MYL12A: variants seen among roughly 807,000 people sequenced by gnomAD.
The protein encoded by MYL12A is myosin light chain 12A, also known as myosin regulatory light chain 12A.
MYL12A carries 11 observed loss-of-function variants against 13.3 expected under a neutral mutation model. The observed-to-expected ratio is 0.83, with a 90% CI of 0.52 to 1.37. The LOEUF (loss-of-function observed/expected upper bound fraction) is 1.37, where lower values mean the gene tolerates loss of function less well. MYL12A is among the 40% of genes most tolerant of loss of function. MYL12A has a pLI of 0.00. For synonymous variants in MYL12A, 51 were observed against 69.9 expected (o/e 0.73, Z 1.35); for missense variants, 146 against 212.3 (o/e 0.69, Z 1.94).
chr18:3,248,368 C>CT (rs2081451396), intron 1 of MYL12A: 1 of 152,162 alleles, frequency 6.6e-6, no homozygotes, highest in East Asian at 1.9e-4. Context: ...GTAATTAGAA[C>CT]TTTTTTTCTT....
chr18:3,250,898 C>G (rs1417728734), intron 1 of MYL12A, among the ~76,000 whole-genome samples: 1 of 152,172 alleles, frequency 6.6e-6, no homozygotes, highest in Admixed American at 6.5e-5. Flanking sequence ...GGAATGAAAA[C>G]TATGACTCAT....
Position 3,253,334 on chromosome 18 carries a change from G to C in MYL12A, c.87G>C (p.Gln29His). Residue 29 changes from glutamine to histidine, a missense_variant, in exon 2 of 4, where the codon CAG becomes CAC. By Grantham distance (24) the Gln-to-His change is conservative. Transcript: ENST00000217652. ...SNVFAMFDQSQIQEFKEAFNM... is the reference protein window; with the variant it reads ...SNVFAMFDQSHIQEFKEAFNM... ...TGTTTGCTATGTTTGACCAGTCACA[G>C]ATTCAGGAGTTCAAAGAGGCCTTCA... 1.2e-6 allele frequency: 2 copies of C among 1,614,034 alleles called. No homozygotes were observed. The highest frequency in any genetic ancestry group is 1.7e-6 in the Non-Finnish European group (2 of 1,179,900).
intron 1 of MYL12A, chr18:3,249,846 G>A (rs2081466871): frequency 1.3e-5 from 2 of 152,134 alleles, no homozygotes; most frequent in Non-Finnish European, 2.9e-5. Context: ...GGTGGAGGTT[G>A]AGATCGCGCC....
Position 3,252,671 on chromosome 18 carries a change from G to GT in MYL12A, c.-15-555dup, listed in dbSNP as rs575098312. On this transcript the variant is annotated intron_variant, in intron 1 of 3. Coordinates refer to ENST00000217652, the MANE Select transcript of MYL12A (RefSeq NM_006471.4). ...AAAAACTATAGATGAATTCCCTTCA[G>GT]TTTTTTTATACTTTACTATTAGCCT... 3.5e-4 allele frequency among the ~76,000 whole-genome samples: 54 copies of GT among 152,156 alleles called. 1 individual carries two copies. The South Asian group carries it at 0.011, about 32-fold the overall frequency.
At chr18:3,253,580 A>G in intron 2 of MYL12A, 152 bp downstream of exon 2, 1 of 968,068 alleles carries the variant, frequency 1.0e-6, no homozygotes, top group Non-Finnish European at 1.5e-6. Flanking sequence ...CCGGATCACC[A>G]GCAGATTCGT....
Position 3,255,984 on chromosome 18 carries a change from C to A in MYL12A, c.*66C>A. ...TTGGGTATTCTGAGATTTTCTCTTG[C>A]ATGCCCTTAGCTTTACAGCTTTTGC... On this transcript the variant is annotated 3_prime_UTR_variant, in exon 4 of 4. Transcript: ENST00000217652. The A allele has an allele frequency of 1.3e-6, 2 of 1,567,812 alleles. No individual in the cohort carries two copies. The highest frequency in any genetic ancestry group is 1.7e-6 in the Non-Finnish European group (2 of 1,151,322).
intron 1 of MYL12A, among the ~76,000 whole-genome samples, chr18:3,250,862 C>T (rs1162929661): frequency 6.6e-6 from 1 of 152,048 alleles, no homozygotes; most frequent in Non-Finnish European, 1.5e-5. Flanking sequence ...TATTGTCACA[C>T]GTTTTAAGTT....
rs367687218 is a variant in MYL12A at position 3,255,860 on chromosome 18, T to G, written c.458T>G (p.Phe153Cys). Reference sequence around the variant, plus strand: ...GCACCTATTGATAAAAAGGGGAATTTCAATTACATCGAGTTCACACGCATC... The same window carrying G: ...GCACCTATTGATAAAAAGGGGAATTGCAATTACATCGAGTTCACACGCATC... ...REAPIDKKGNFNYIEFTRILK... is the reference protein window; with the variant it reads ...REAPIDKKGNCNYIEFTRILK... The change falls in exon 4 of 4, where the codon TTC becomes TGC. Residue 153 changes from phenylalanine to cysteine, a missense_variant. Physicochemically the swap from Phe to Cys is radical, Grantham distance 205. Coordinates refer to ENST00000217652, the MANE Select transcript of MYL12A (RefSeq NM_006471.4). The G allele has an allele frequency of 5.8e-5, 94 of 1,614,032 alleles. 1 individual carries two copies. The East Asian group carries it at 1.2e-3, about 21-fold the overall frequency.
intron 3 of MYL12A, 110 bp downstream of exon 3, chr18:3,254,160 A>AT (rs1178530463): frequency 5.7e-6 from 7 of 1,230,652 alleles, no homozygotes; most frequent in Admixed American, 2.7e-5. Flanking sequence ...TACTACACCT[A>AT]TTTTTTTAGA....
At position 3,255,938 on chromosome 18, in the gene MYL12A, C is replaced by A; in HGVS notation, c.*20C>A. The stretch of plus-strand genomic sequence containing the variant: ...GACTGAAATAACTTCAAATTCCAGC[C>A]AAACGTTCCTTGTTGCCACTTTGGG... On this transcript the variant is annotated 3_prime_UTR_variant, in exon 4 of 4. Transcript: ENST00000217652. 6.2e-7 allele frequency: 1 copy of A among 1,611,398 alleles called. No homozygotes were observed. Among genetic ancestry groups the A allele is most frequent in the Non-Finnish European group, 8.5e-7 (1 of 1,178,672 alleles).
At chr18:3,250,312 T>G (rs532132952) in intron 1 of MYL12A, among the ~76,000 whole-genome samples, 6 of 152,350 alleles carry the variant, frequency 3.9e-5, no homozygotes, top group African/African-American at 1.4e-4. Context: ...GCTTATTACA[T>G]GAAGAGTGAC....
In MYL12A at chr18:3,253,920, C is replaced by T. The variant is rs757626084; in HGVS notation, c.213C>T (p.Ala71=). The change falls in exon 3 of 4, where the codon GCC becomes GCT. Residue 71 remains alanine, a synonymous_variant. Coordinates refer to ENST00000217652, the MANE Select transcript of MYL12A (RefSeq NM_006471.4). ...GKNPTDEYLD[A]MMNEAPGPIN... ...ATCCAACTGATGAGTATCTAGATGCCATGATGAATGAGGCTCCAGGCCCCA... is the reference window on the plus strand; with the variant it reads ...ATCCAACTGATGAGTATCTAGATGCTATGATGAATGAGGCTCCAGGCCCCA... 6 of 1,610,692 alleles carry T rather than the reference C, an allele frequency of 3.7e-6. No individual in the cohort carries two copies. In the South Asian group the frequency reaches 6.7e-5, roughly 18 times the overall value.
In MYL12A at chr18:3,255,929, A is replaced by T; in HGVS notation, c.*11A>T. 2 of 1,612,806 alleles carry T rather than the reference A, an allele frequency of 1.2e-6. No homozygotes were observed. Among genetic ancestry groups the T allele is most frequent in the Non-Finnish European group, 1.7e-6 (2 of 1,179,384 alleles). On this transcript the variant is annotated 3_prime_UTR_variant, in exon 4 of 4. Coordinates refer to ENST00000217652, the MANE Select transcript of MYL12A (RefSeq NM_006471.4). ...GACAAAGATGACTGAAATAACTTCA[A>T]ATTCCAGCCAAACGTTCCTTGTTGC...
Position 3,247,844 on chromosome 18 carries a change from G to C in MYL12A, c.-81G>C, listed in dbSNP as rs1019315497. 6.6e-6 allele frequency: 1 copy of C among 152,242 alleles called. No individual in the cohort carries two copies. The highest frequency in any genetic ancestry group is 1.5e-5 in the Non-Finnish European group (1 of 68,074). 9.4% of individuals were successfully genotyped at this position (152,242 alleles called of 1,614,324 possible). On this transcript the variant is annotated 5_prime_UTR_variant, in exon 1 of 4. Coordinates refer to ENST00000217652, the MANE Select transcript of MYL12A (RefSeq NM_006471.4). ...GTGGTTTTTAGCGGCTCTCTGGGTAGCAGGGTGGTGTGATAGCGGCAGCGA... is the reference window on the plus strand; with the variant it reads ...GTGGTTTTTAGCGGCTCTCTGGGTACCAGGGTGGTGTGATAGCGGCAGCGA...
At chr18:3,251,300 C>T (rs911651539) in intron 1 of MYL12A, among the ~76,000 whole-genome samples, 10 of 151,598 alleles carry the variant, frequency 6.6e-5, no homozygotes, top group African/African-American at 2.4e-4. Flanking sequence ...TCTAGAGGAC[C>T]CTCGTAAATT....
intron 1 of MYL12A, chr18:3,252,333 A>T (rs1202418162): frequency 6.5e-7 from 1 of 1,533,446 alleles, no homozygotes; most frequent in Non-Finnish European, 8.7e-7. Flanking sequence ...ATGGTATGGT[A>T]GAATTTTATT....
At chr18:3,247,788 C>T (rs1216383897), upstream of MYL12A, 1 of 152,242 alleles carries the variant, frequency 6.6e-6, no homozygotes, top group African/African-American at 2.4e-5. Context: ...ACCGGGCTTC[C>T]TTCCGGCTTG....
chr18:3,252,307 C>T, intron 1 of MYL12A: 1 of 1,532,298 alleles, frequency 6.5e-7, no homozygotes. Context: ...TACCATCTTC[C>T]CTGCAACTCT....
intron 3 of MYL12A, chr18:3,255,309 C>CT (rs1372176590): frequency 1.3e-5 from 2 of 153,192 alleles, no homozygotes; most frequent in East Asian, 3.8e-4. Flanking sequence ...TTCCGGTATT[C>CT]TTTCCACTGT....
Sources: allele counts gnomAD v4.1 joint callset (sites outside exome capture counted in the v4.1 genomes callset), GRCh38; gene constraint gnomAD v4.1.1; transcripts MANE v1.5; gene names NCBI Gene and HGNC (gene_info 2026-07-23, HGNC 2026-07-21).